MLLT3: variants seen among roughly 807,000 people sequenced by gnomAD.
MLLT3 encodes MLLT3 super elongation complex subunit, also known as protein AF-9.
In MLLT3, 4 loss-of-function variants were observed where a neutral mutation model predicts 53.2. The ratio of observed to expected loss-of-function variants is 0.08; its 90% CI spans 0.04 to 0.17. The LOEUF is 0.17. Among genes scored for constraint, MLLT3 ranks in the 10% least tolerant of loss-of-function variants. The pLI is 1.00. For synonymous variants in MLLT3, 283 were observed against 230.6 expected (o/e 1.23, Z -2.06); for missense variants, 569 against 684.0 (o/e 0.83, Z 1.87).
At chr9:20,476,069 A>T (rs866360107) in intron 2 of MLLT3, among the ~76,000 whole-genome samples, 29 of 151,148 alleles carry the variant, frequency 1.9e-4, no homozygotes, top group Admixed American at 4.0e-4. Flanking sequence ...TTTTTTGTGT[A>T]TTTTTTTTTA....
Position 20,558,556 on chromosome 9 carries a change from T to C in MLLT3, c.193+62098A>G, listed in dbSNP as rs896541750. Among the ~76,000 whole-genome samples the C allele has an allele frequency of 2.0e-5, 3 of 152,194 alleles. No individual in the cohort carries two copies. The East Asian group carries it at 5.8e-4, about 29-fold the overall frequency. On this transcript the variant is annotated intron_variant, in intron 2 of 10. Coordinates refer to ENST00000380338, the MANE Select transcript of MLLT3 (RefSeq NM_004529.4). ...CATCCTCAGCTGCCAAGTTGAAGAA[T>C]AGGCTCTTATCAATTCAACAGCACC...
intron 2 of MLLT3, among the ~76,000 whole-genome samples, chr9:20,548,172 A>G (rs1042836994): frequency 1.3e-5 from 2 of 152,258 alleles, no homozygotes; most frequent in African/African-American, 2.4e-5. Context: ...AATGAAATTT[A>G]GAATTCAATT....
At chr9:20,362,706 C>CTTTTTTTTTTTTTTTTT (rs989895694) in intron 7 of MLLT3, 1 of 99,712 alleles carries the variant, frequency 1.0e-5, no homozygotes, top group African/African-American at 4.0e-5. Flanking sequence ...GTTAAGACCG[C>CTTTTTTTTTTTTTTTTT]TTTTTTTTTT....
chr9:20,549,559 G>C lies in MLLT3; in HGVS notation c.193+71095C>G, dbSNP rs1818875344. ...GCAGGTACTTTATGCGACCCATTCT[G>C]AAGATGAAGAAAGTATGGAAATGAC... On this transcript the variant is annotated intron_variant, in intron 2 of 10. Coordinates refer to ENST00000380338, the MANE Select transcript of MLLT3 (RefSeq NM_004529.4). Among the ~76,000 whole-genome samples the C allele has an allele frequency of 2.6e-5, 4 of 152,302 alleles. No homozygotes were observed. The South Asian group carries it at 8.3e-4, about 32-fold the overall frequency.
intron 2 of MLLT3, among the ~76,000 whole-genome samples, chr9:20,544,802 A>C (rs1818743794): frequency 6.6e-6 from 1 of 152,200 alleles, no homozygotes; most frequent in Admixed American, 6.5e-5. Flanking sequence ...ATGAAGCATT[A>C]CTCAGTCGGG....
At chr9:20,582,742 G>C (rs1819828664) in intron 2 of MLLT3, among the ~76,000 whole-genome samples, 1 of 152,154 alleles carries the variant, frequency 6.6e-6, no homozygotes, top group East Asian at 1.9e-4. Context: ...AAACCCATCA[G>C]ATCTTGTGAG....
chr9:20,490,172 T>C (rs1332553502), intron 2 of MLLT3, among the ~76,000 whole-genome samples: 2 of 152,194 alleles, frequency 1.3e-5, no homozygotes, highest in African/African-American at 2.4e-5. Context: ...CCCCCAAAGA[T>C]TCCTGTCCTC....
chr9:20,353,442 G>C, intron 10 of MLLT3, 83 bp downstream of exon 10: 1 of 1,123,278 alleles, frequency 8.9e-7, no homozygotes, highest in Non-Finnish European at 1.4e-6. Context: ...GGCTGCAGTG[G>C]CCTCCAGGTG....
At chr9:20,529,303 TA>T (rs1192933412) in intron 2 of MLLT3, among the ~76,000 whole-genome samples, 2 of 152,212 alleles carry the variant, frequency 1.3e-5, no homozygotes, top group East Asian at 3.8e-4. Context: ...TTGTTTTTGT[TA>T]TTTTTTTACC....
chr9:20,387,610 T>A (rs548735334), intron 5 of MLLT3, among the ~76,000 whole-genome samples: 1 of 152,304 alleles, frequency 6.6e-6, no homozygotes, highest in African/African-American at 2.4e-5. Flanking sequence ...TTTCTCAGAG[T>A]TACTGTGGAA....
At chr9:20,573,952 G>C (rs1355072230) in intron 2 of MLLT3, among the ~76,000 whole-genome samples, 2 of 151,998 alleles carry the variant, frequency 1.3e-5, no homozygotes, top group Non-Finnish European at 2.9e-5. Context: ...TCATTTTTTG[G>C]GTTTGAGAAA....
chr9:20,520,529 C>G (rs1027238306), intron 2 of MLLT3, among the ~76,000 whole-genome samples: 4 of 151,796 alleles, frequency 2.6e-5, no homozygotes, highest in African/African-American at 9.7e-5. Context: ...TAAAGTCCAG[C>G]AAAATAGGAA....
rs909419808 is a variant in MLLT3 at position 20,621,260 on chromosome 9, C to T, written c.13-426G>A. ...GACCGAAGGGCTCCTGGCGAGCCCC[C>T]TCCCCGAAAGTACCGCGGCGACAGG... On this transcript the variant is annotated intron_variant, in intron 1 of 10. Transcript: ENST00000380338. The surrounding 1 kb of genome is among the most constrained non-coding windows in gnomAD (Gnocchi z 7.0). 6.6e-6 allele frequency among the ~76,000 whole-genome samples: 1 copy of T among 152,194 alleles called. No individual in the cohort carries two copies. Among genetic ancestry groups the T allele is most frequent in the African/African-American group, 2.4e-5 (1 of 41,462 alleles).
intron 2 of MLLT3, among the ~76,000 whole-genome samples, chr9:20,617,713 G>A (rs1259672845): frequency 6.6e-6 from 1 of 151,992 alleles, no homozygotes; most frequent in East Asian, 1.9e-4. Flanking sequence ...GTTTTGTCAT[G>A]GCTAATAGAC....
At chr9:20,498,266 A>AAAAAAAAAAAAAG (rs760352616) in intron 2 of MLLT3, among the ~76,000 whole-genome samples, 2 of 98,350 alleles carry the variant, frequency 2.0e-5, no homozygotes, top group East Asian at 3.5e-4. Context: ...AAAAAAAAAA[A>AAAAAAAAAAAAAG]GTTCTTCTAG....
chr9:20,613,586 GC>G lies in MLLT3; in HGVS notation c.193+7067del, dbSNP rs758135784. Reference sequence around the variant, plus strand: ...TATATCATTCTCTGCATTTCCCCATGCTTTTTTTTTTTTAATTAAAAAAGCA... The same window carrying G: ...TATATCATTCTCTGCATTTCCCCATGTTTTTTTTTTTTAATTAAAAAAGCA... On this transcript the variant is annotated intron_variant, in intron 2 of 10. Coordinates refer to ENST00000380338, the MANE Select transcript of MLLT3 (RefSeq NM_004529.4). Among the ~76,000 whole-genome samples the G allele has an allele frequency of 1.5e-4, 23 of 150,822 alleles. No homozygotes were observed. In the South Asian group the frequency reaches 2.7e-3, roughly 18 times the overall value.
chr9:20,370,712 T>A (rs1440242633), intron 5 of MLLT3, among the ~76,000 whole-genome samples: 1 of 152,120 alleles, frequency 6.6e-6, no homozygotes, highest in Admixed American at 6.5e-5. Flanking sequence ...GGTTTCGCCA[T>A]GTTAGCCAGG....
At chr9:20,442,803 T>C (rs1362151882) in intron 4 of MLLT3, among the ~76,000 whole-genome samples, 5 of 152,136 alleles carry the variant, frequency 3.3e-5, no homozygotes, top group Non-Finnish European at 5.9e-5. Flanking sequence ...ACAGATCATA[T>C]ATAAATGTAA....
chr9:20,585,590 A>C (rs1170625555), intron 2 of MLLT3, among the ~76,000 whole-genome samples: 1 of 152,208 alleles, frequency 6.6e-6, no homozygotes, highest in African/African-American at 2.4e-5. Flanking sequence ...ACTTGATTCT[A>C]AATCTTCACC....
Sources: allele counts gnomAD v4.1 joint callset (sites outside exome capture counted in the v4.1 genomes callset), GRCh38; gene constraint gnomAD v4.1.1; non-coding constraint Gnocchi (gnomAD v3.1); transcripts MANE v1.5; gene names NCBI Gene and HGNC (gene_info 2026-07-23, HGNC 2026-07-21).